KIAA0825: variants seen among roughly 807,000 people sequenced by gnomAD.
The protein encoded by KIAA0825 is uncharacterized protein KIAA0825.
KIAA0825 carries 119 observed loss-of-function variants against 147.6 expected under a neutral mutation model. That is an observed-to-expected ratio of 0.81 (90% CI 0.69 to 0.94). KIAA0825 has a LOEUF of 0.94. Among genes scored for constraint, KIAA0825 ranks in the 40% least tolerant of loss-of-function variants. KIAA0825 has a pLI of 0.00. For missense variants in KIAA0825, 1,381 were observed against 1,472.7 expected (o/e 0.94, Z 1.02); for synonymous variants, 470 against 518.1 (o/e 0.91, Z 1.26).
intron 14 of KIAA0825, among the ~76,000 whole-genome samples, chr5:94,431,063 A>C (rs76225554): frequency 0.026 from 3,960 of 152,264 alleles, 155 homozygotes; most frequent in African/African-American, 0.09. Context: ...ACTGAGAAGC[A>C]CAGGCAGAGA....
chr5:94,280,775 A>T (rs1777420749), intron 20 of KIAA0825, among the ~76,000 whole-genome samples: 1 of 152,152 alleles, frequency 6.6e-6, no homozygotes, highest in African/African-American at 2.4e-5. Flanking sequence ...AATGCTAAAA[A>T]GATGAGACTT....
At chr5:94,529,235 TG>T (rs1468299911) in intron 3 of KIAA0825, among the ~76,000 whole-genome samples, 1 of 130,248 alleles carries the variant, frequency 7.7e-6, no homozygotes, top group African/African-American at 3.2e-5. Flanking sequence ...ATCATATATA[TG>T]TATATATACA....
chr5:94,268,652 T>G (rs1776845184), intron 20 of KIAA0825, among the ~76,000 whole-genome samples: 1 of 152,148 alleles, frequency 6.6e-6, no homozygotes, highest in South Asian at 2.1e-4. Flanking sequence ...AGAAAAGGAT[T>G]ACTGGTCATG....
chr5:94,350,117 A>T (rs910811585), intron 20 of KIAA0825, among the ~76,000 whole-genome samples: 1 of 152,212 alleles, frequency 6.6e-6, no homozygotes, highest in South Asian at 2.1e-4. Context: ...ACACCACTGA[A>T]ATACAAAAGA....
chr5:94,399,694 G>C lies in KIAA0825; in HGVS notation c.2888-3185C>G, dbSNP rs190614729. On this transcript the variant is annotated intron_variant, in intron 16 of 20. Transcript: ENST00000682413. ...TAACATATTGTGTCATCCAATTTTA[G>C]AGCTGATAAAGTATGAAGAAAATCT... Among the ~76,000 whole-genome samples, 337 of 152,070 alleles carry C rather than the reference G, an allele frequency of 2.2e-3. 1 individual carries two copies. The highest frequency in any genetic ancestry group is 6.7e-3 in the African/African-American group (278 of 41,506).
intron 20 of KIAA0825, among the ~76,000 whole-genome samples, chr5:94,213,004 A>G (rs868490144): frequency 1.1e-4 from 16 of 152,326 alleles, no homozygotes; most frequent in Middle Eastern, 6.8e-3. Context: ...TATGTACATT[A>G]TCTCATTTAA....
rs1444412645 is a variant in KIAA0825, at chr5:94,615,542, ATACT to A, written c.-153+2954_-153+2957del. On this transcript the variant is annotated intron_variant, in intron 1 of 20. Transcript: ENST00000682413. ...TAGCATCTGTAAAAGGAGGATAATA[ATACT>A]TACCCACTGTGCTGTAAGGAGTAAT... 10 of 152,316 alleles carry A rather than the reference ATACT, an allele frequency of 6.6e-5. No homozygotes were observed. The South Asian group carries it at 1.9e-3, about 28-fold the overall frequency. The allele number at this position is 152,316 out of a possible 1,614,324, so 9.4% of individuals were successfully genotyped here.
chr5:94,468,752 C>T (rs1480425829), intron 10 of KIAA0825, among the ~76,000 whole-genome samples: 1 of 152,140 alleles, frequency 6.6e-6, no homozygotes, highest in Non-Finnish European at 1.5e-5. Flanking sequence ...CCTTCAGTGC[C>T]TGCGAGGTGA....
At chr5:94,445,411 A>G (rs1220529526) in intron 13 of KIAA0825, among the ~76,000 whole-genome samples, 1 of 152,178 alleles carries the variant, frequency 6.6e-6, no homozygotes, top group African/African-American at 2.4e-5. Context: ...CTCCCATGAG[A>G]GTATCTCAGA....
intron 20 of KIAA0825, among the ~76,000 whole-genome samples, chr5:94,268,509 A>G (rs574526527): frequency 7.2e-5 from 11 of 152,184 alleles, no homozygotes; most frequent in Non-Finnish European, 1.6e-4. Context: ...AGCAGCAGAC[A>G]CAGACTGGTT....
intron 20 of KIAA0825, among the ~76,000 whole-genome samples, chr5:94,246,466 C>G (rs1315044043): frequency 6.6e-6 from 1 of 152,050 alleles, no homozygotes; most frequent in Non-Finnish European, 1.5e-5. Context: ...GCGTGTGTGC[C>G]TTGGGAGAGT....
intron 20 of KIAA0825, among the ~76,000 whole-genome samples, chr5:94,333,809 G>C (rs932191269): frequency 2.6e-5 from 4 of 152,082 alleles, no homozygotes; most frequent in African/African-American, 4.8e-5. Context: ...ACCAATAACA[G>C]ACACACAGAG....
At chr5:94,157,170 A>G (rs1280111340) in intron 20 of KIAA0825, among the ~76,000 whole-genome samples, 1 of 152,144 alleles carries the variant, frequency 6.6e-6, no homozygotes, top group Non-Finnish European at 1.5e-5. Context: ...CCTCCAGAAA[A>G]GCATTATGAG....
At chr5:94,240,624 A>G (rs1775297525) in intron 20 of KIAA0825, among the ~76,000 whole-genome samples, 1 of 152,222 alleles carries the variant, frequency 6.6e-6, no homozygotes, top group African/African-American at 2.4e-5. Flanking sequence ...TTGTCAAAAC[A>G]GAATGGATTA....
intron 20 of KIAA0825, among the ~76,000 whole-genome samples, chr5:94,340,836 G>C (rs1448118281): frequency 6.6e-6 from 1 of 152,150 alleles, no homozygotes; most frequent in Non-Finnish European, 1.5e-5. Flanking sequence ...AAATTTTATA[G>C]CTTGCAAAAT....
intron 20 of KIAA0825, among the ~76,000 whole-genome samples, chr5:94,372,558 A>G (rs1328007494): frequency 1.3e-5 from 2 of 152,174 alleles, no homozygotes; most frequent in Non-Finnish European, 2.9e-5. Flanking sequence ...GGCCCCTTTT[A>G]TCCAAGGCTG....
chr5:94,462,681 G>T, intron 11 of KIAA0825, 112 bp from the exon 12 acceptor site: 1 of 528,144 alleles, frequency 1.9e-6, no homozygotes, highest in Non-Finnish European at 3.2e-6. Flanking sequence ...GAAGAATTCA[G>T]TTAGATACCA....
chr5:94,607,160 A>C (rs1260132920), intron 1 of KIAA0825, among the ~76,000 whole-genome samples: 1 of 152,158 alleles, frequency 6.6e-6, no homozygotes, highest in Non-Finnish European at 1.5e-5. Context: ...GCACATAGAA[A>C]GTATGAAGTT....
chr5:94,474,504 G>A (rs961874750), intron 7 of KIAA0825, among the ~76,000 whole-genome samples: 2 of 152,046 alleles, frequency 1.3e-5, no homozygotes, highest in African/African-American at 2.4e-5. Flanking sequence ...CAACAGAGTT[G>A]AATTGTATGA....
Sources: gnomAD v4.1 joint callset for allele counts (sites outside exome capture counted in the v4.1 genomes callset) on GRCh38, gnomAD v4.1.1 for gene constraint, MANE v1.5 for transcripts, NCBI Gene and HGNC (gene_info 2026-07-23, HGNC 2026-07-21) for gene names.